BTBD9: variants seen among roughly 807,000 people sequenced by gnomAD.
BTBD9 encodes BTB/POZ domain-containing protein 9.
Under a neutral mutation model 64.3 loss-of-function variants are expected in BTBD9, and 49 were observed. The observed-to-expected ratio is 0.76, with a 90% CI of 0.61 to 0.97. The LOEUF is 0.97. BTBD9 is among the 50% of genes least tolerant of loss of function. The pLI, the probability that BTBD9 is intolerant of heterozygous loss-of-function variation, is 0.00. For missense variants in BTBD9, 598 were observed against 762.1 expected, an observed-to-expected ratio of 0.78 and a Z score of 2.53; for synonymous variants, 260 against 274.7, an observed-to-expected ratio of 0.95 and a Z score of 0.53.
chr6:38,183,867 C>T (rs79334662), intron 10 of BTBD9, among the ~76,000 whole-genome samples: 13,505 of 152,200 alleles, frequency 0.089, 811 homozygotes, highest in Non-Finnish European at 0.12. Flanking sequence ...CCCACACCAA[C>T]GCTCTGGCCC....
At chr6:38,442,118 G>C (rs1388932880) in intron 6 of BTBD9, among the ~76,000 whole-genome samples, 2 of 152,138 alleles carry the variant, frequency 1.3e-5, no homozygotes, top group Non-Finnish European at 2.9e-5. Flanking sequence ...TCATAATGCT[G>C]ATGTTGGTGA....
chr6:38,399,809 C>T (rs13200315), intron 6 of BTBD9, among the ~76,000 whole-genome samples: 40,233 of 151,752 alleles, frequency 0.27, 6,045 homozygotes, highest in Non-Finnish European at 0.34. Context: ...TGGAGTGCAA[C>T]GGCGCAGTCT....
In BTBD9 at chr6:38,202,529, A is replaced by C. The variant is rs1018542803; in HGVS notation, c.1563-9932T>G. 2.0e-5 allele frequency among the ~76,000 whole-genome samples: 3 copies of C among 152,196 alleles called. No homozygotes were observed. The East Asian group carries it at 5.8e-4, about 29-fold the overall frequency. The stretch of plus-strand genomic sequence containing the variant: ...ACTACCTGACTTCAAAATATAGTAC[A>C]AGGCTATAGTAATCAAAACAGATGG... On this transcript the variant is annotated intron_variant, in intron 9 of 10. Coordinates refer to ENST00000481247, the MANE Select transcript of BTBD9 (RefSeq NM_001099272.2).
At chr6:38,262,787 G>C (rs1316258038) in intron 8 of BTBD9, among the ~76,000 whole-genome samples, 2 of 152,142 alleles carry the variant, frequency 1.3e-5, no homozygotes, top group Non-Finnish European at 2.9e-5. Flanking sequence ...TTATGCATGC[G>C]ATGACAAACT....
chr6:38,374,305 A>ATATATG (rs1459305916), intron 6 of BTBD9, among the ~76,000 whole-genome samples: 3 of 66,604 alleles, frequency 4.5e-5, no homozygotes, highest in Non-Finnish European at 8.9e-5. Flanking sequence ...ATGTATATAT[A>ATATATG]TGTATATATA....
rs145994666 is a variant in BTBD9, at chr6:38,324,674, C to T, written c.1264+20310G>A. ...ATGGCCTTCATAATGGCAAAGGGTA[C>T]GTGGGAGGAAAAGGGCTCTTTTGTA... On this transcript the variant is annotated intron_variant, in intron 7 of 10. Transcript: ENST00000481247. Among the ~76,000 whole-genome samples, 28 of 152,160 alleles carry T rather than the reference C, an allele frequency of 1.8e-4. No individual in the cohort carries two copies. In the East Asian group the frequency reaches 5.0e-3, roughly 27 times the overall value.
At chr6:38,639,622 C>T (rs778199662) in intron 1 of BTBD9, among the ~76,000 whole-genome samples, 178 bp downstream of exon 1, 2 of 152,284 alleles carry the variant, frequency 1.3e-5, no homozygotes, top group South Asian at 4.1e-4. Context: ...TACCGCTCTC[C>T]CAGAGCACCC....
chr6:38,477,936 C>T (rs552081466), intron 6 of BTBD9, among the ~76,000 whole-genome samples: 1 of 152,178 alleles, frequency 6.6e-6, no homozygotes, highest in African/African-American at 2.4e-5. Flanking sequence ...TCAGGTGAAC[C>T]CGTTTTTGAA....
rs1258463596 is a variant in BTBD9, at chr6:38,567,625, A to G, written c.1154+9975T>C. Among the ~76,000 whole-genome samples the G allele has an allele frequency of 3.3e-5, 5 of 152,292 alleles. No homozygotes were observed. In the East Asian group the frequency reaches 9.6e-4, roughly 29 times the overall value. Reference sequence around the variant, plus strand: ...TCATACTGGGAGATGAATTTTTAGAAGATGAACCAGGCCTGGCACTCTGCC... The same window carrying G: ...TCATACTGGGAGATGAATTTTTAGAGGATGAACCAGGCCTGGCACTCTGCC... On this transcript the variant is annotated intron_variant, in intron 6 of 10. Transcript: ENST00000481247.
At chr6:38,369,373 T>G (rs1053133608) in intron 6 of BTBD9, among the ~76,000 whole-genome samples, 1 of 152,204 alleles carries the variant, frequency 6.6e-6, no homozygotes, top group South Asian at 2.1e-4. Flanking sequence ...AAAATTGCCT[T>G]CCTAGATTCC....
At chr6:38,476,086 T>C (rs943511280) in intron 6 of BTBD9, among the ~76,000 whole-genome samples, 1 of 152,222 alleles carries the variant, frequency 6.6e-6, no homozygotes, top group African/African-American at 2.4e-5. Context: ...GGGGTTGCCA[T>C]TGTGTTTTTC....
In BTBD9 at chr6:38,239,497, T is replaced by G. The variant is rs142449203; in HGVS notation, c.1562+16912A>C. On this transcript the variant is annotated intron_variant, in intron 9 of 10. Transcript: ENST00000481247. ...TTATAGGAAATTTAAAACAATAACCTGAGACATGGCAGTTTTATCACCCAA... is the reference window on the plus strand; with the variant it reads ...TTATAGGAAATTTAAAACAATAACCGGAGACATGGCAGTTTTATCACCCAA... Among the ~76,000 whole-genome samples the G allele has an allele frequency of 1.4e-3, 216 of 149,644 alleles. 5 individuals carry two copies. The East Asian group carries it at 0.031, about 21-fold the overall frequency.
intron 1 of BTBD9, among the ~76,000 whole-genome samples, chr6:38,623,449 T>A (rs560688643): frequency 6.6e-6 from 1 of 152,238 alleles, no homozygotes; most frequent in Admixed American, 6.5e-5. Flanking sequence ...TGCAAAAAAA[T>A]AACAAAATCT....
chr6:38,449,163 C>G (rs13218556), intron 6 of BTBD9, among the ~76,000 whole-genome samples: 13 of 152,056 alleles, frequency 8.5e-5, no homozygotes, highest in African/African-American at 2.7e-4. Flanking sequence ...AACCTGGTTA[C>G]TGTTTTTCAA....
chr6:38,268,882 C>G (rs936099409), intron 8 of BTBD9, among the ~76,000 whole-genome samples: 60 of 152,332 alleles, frequency 3.9e-4, no homozygotes, highest in African/African-American at 1.4e-3. Context: ...CCCTCTCCCA[C>G]TGCATTCCCA....
intron 6 of BTBD9, among the ~76,000 whole-genome samples, chr6:38,527,579 C>A (rs979022316): frequency 2.6e-5 from 4 of 152,150 alleles, no homozygotes; most frequent in Non-Finnish European, 5.9e-5. Flanking sequence ...CCCCTTCTGT[C>A]ATGACTGTAT....
At chr6:38,230,222 C>T (rs762190530) in intron 9 of BTBD9, among the ~76,000 whole-genome samples, 35 of 152,278 alleles carry the variant, frequency 2.3e-4, no homozygotes, top group Admixed American at 3.9e-4. Flanking sequence ...GAGCTGGGCG[C>T]GGTGGCTCAT....
intron 6 of BTBD9, among the ~76,000 whole-genome samples, chr6:38,356,864 G>T (rs1167129604): frequency 6.6e-6 from 1 of 152,110 alleles, no homozygotes; most frequent in Non-Finnish European, 1.5e-5. Flanking sequence ...GAAGACATGG[G>T]CCTGACTACC....
chr6:38,558,720 T>C (rs1448489715), intron 6 of BTBD9, among the ~76,000 whole-genome samples: 2 of 152,244 alleles, frequency 1.3e-5, no homozygotes, highest in African/African-American at 4.8e-5. Context: ...CAACCTTGCA[T>C]CCCAGGAATA....
Sources: allele counts gnomAD v4.1 joint callset (sites outside exome capture counted in the v4.1 genomes callset), GRCh38; gene constraint gnomAD v4.1.1; transcripts MANE v1.5; gene names NCBI Gene and HGNC (gene_info 2026-07-23, HGNC 2026-07-21).